Variants in SNX30 observed in about 807,000 individuals in gnomAD.
SNX30 encodes sorting nexin family member 30.
In SNX30, 24 loss-of-function variants were observed where a neutral mutation model predicts 46.4. That is an observed-to-expected ratio of 0.52 (90% CI 0.37 to 0.73). The LOEUF is 0.73. SNX30 is among the 30% of genes least tolerant of loss of function. The probability of loss-of-function intolerance (pLI) is 0.00; values close to 1 mark genes in which losing one functional copy is unlikely to be tolerated. For synonymous variants in SNX30, 189 were observed against 211.5 expected (o/e 0.89, Z 0.92); for missense variants, 533 against 555.7 (o/e 0.96, Z 0.41).
chr9:112,774,561 A>T (rs527851215), intron 1 of SNX30, among the ~76,000 whole-genome samples: 2 of 152,322 alleles, frequency 1.3e-5, no homozygotes, highest in East Asian at 3.9e-4. Context: ...AATATCTAAG[A>T]GTCAAGTTAC....
chr9:112,815,310 A>T (rs1840379600), intron 2 of SNX30, among the ~76,000 whole-genome samples: 1 of 152,102 alleles, frequency 6.6e-6, no homozygotes, highest in South Asian at 2.1e-4. Flanking sequence ...ACTGTAATTT[A>T]TGAAATGGAT....
At chr9:112,791,613 T>C (rs1414607552) in intron 1 of SNX30, among the ~76,000 whole-genome samples, 1 of 152,000 alleles carries the variant, frequency 6.6e-6, no homozygotes, top group Non-Finnish European at 1.5e-5. Flanking sequence ...GGTTTCACCA[T>C]GTTGGCCAGG....
chr9:112,766,540 A>C (rs1237207909), intron 1 of SNX30, among the ~76,000 whole-genome samples: 2 of 152,202 alleles, frequency 1.3e-5, no homozygotes, highest in Admixed American at 1.3e-4. Flanking sequence ...GTATATTCAC[A>C]TTGTTGTGCA....
chr9:112,756,917 A>G (rs1182126866), intron 1 of SNX30, among the ~76,000 whole-genome samples: 1 of 152,260 alleles, frequency 6.6e-6, no homozygotes, highest in Non-Finnish European at 1.5e-5. Context: ...GGATACACAT[A>G]GATAGTAAAA....
rs1041361442 is a variant in SNX30, at chr9:112,869,147, A to G, written c.*304A>G. Reference sequence around the variant, plus strand: ...CAAGGGACAAGACAACCTGCAGCTGACGCTCTGACATTTCATGACAGTTTC... The same window carrying G: ...CAAGGGACAAGACAACCTGCAGCTGGCGCTCTGACATTTCATGACAGTTTC... On this transcript the variant is annotated 3_prime_UTR_variant, in exon 9 of 9. Coordinates refer to ENST00000374232, the MANE Select transcript of SNX30 (RefSeq NM_001012994.2). 3.1e-6 allele frequency: 1 copy of G among 324,176 alleles called. No homozygotes were observed. The highest frequency in any genetic ancestry group is 5.9e-6 in the Non-Finnish European group (1 of 169,872). The allele number at this position is 324,176 out of a possible 1,614,324, so 20.1% of individuals were successfully genotyped here. A position where few individuals can be genotyped will look rare whatever the true frequency, so the allele number is the denominator to read the frequency against.
chr9:112,805,530 G>A (rs942295207), intron 2 of SNX30, among the ~76,000 whole-genome samples: 9 of 152,140 alleles, frequency 5.9e-5, no homozygotes, highest in Admixed American at 5.2e-4. Context: ...GTGCAGTGGT[G>A]TGATCTCAGC....
intron 3 of SNX30, among the ~76,000 whole-genome samples, chr9:112,827,739 G>T (rs907410104): frequency 2.0e-5 from 3 of 152,162 alleles, no homozygotes. Flanking sequence ...TATTATGGGG[G>T]TTTGAGGAGG....
At chr9:112,879,612 G>A (rs1053989398), downstream of SNX30, 2 of 652,480 alleles carry the variant, frequency 3.1e-6, no homozygotes, top group Non-Finnish European at 5.3e-6. Flanking sequence ...GGATCCCTGA[G>A]CCAGAGCAGG....
chr9:112,769,897 G>T (rs1273456984), intron 1 of SNX30, among the ~76,000 whole-genome samples: 2 of 152,050 alleles, frequency 1.3e-5, no homozygotes, highest in East Asian at 3.9e-4. Context: ...CTTGGAATTA[G>T]CCTCGGCTCT....
intron 5 of SNX30, among the ~76,000 whole-genome samples, chr9:112,837,483 G>T (rs1032725696): frequency 4.0e-5 from 6 of 148,498 alleles, no homozygotes; most frequent in Middle Eastern, 3.5e-3. Flanking sequence ...TTGGTTTTTG[G>T]TTTTTTTTTT....
At chr9:112,851,410 G>A (rs937036539) in intron 7 of SNX30, among the ~76,000 whole-genome samples, 1 of 152,226 alleles carries the variant, frequency 6.6e-6, no homozygotes, top group African/African-American at 2.4e-5. Context: ...TGTTAAACTC[G>A]CGTGAGGAGT....
chr9:112,758,161 C>T (rs537297677), intron 1 of SNX30, among the ~76,000 whole-genome samples: 1 of 152,232 alleles, frequency 6.6e-6, no homozygotes, highest in African/African-American at 2.4e-5. Flanking sequence ...TTCTTTCTGG[C>T]CCTTGTTCCA....
At chr9:112,876,145 A>G (rs1841514410), downstream of SNX30, among the ~76,000 whole-genome samples, 1 of 152,146 alleles carries the variant, frequency 6.6e-6, no homozygotes, top group Admixed American at 6.6e-5. Flanking sequence ...GTCAGATTGA[A>G]GGCCTGAAGA....
At chr9:112,856,503 A>G (rs988691029) in intron 7 of SNX30, among the ~76,000 whole-genome samples, 13 of 150,606 alleles carry the variant, frequency 8.6e-5, no homozygotes, top group African/African-American at 2.9e-4. Flanking sequence ...GGAAGTGTGG[A>G]GGTGTGTCGT....
At chr9:112,859,062 ACT>A (rs1273778642) in intron 7 of SNX30, among the ~76,000 whole-genome samples, 1 of 151,644 alleles carries the variant, frequency 6.6e-6, no homozygotes. Flanking sequence ...CAGAACTGAA[ACT>A]CTGACCCATT....
chr9:112,774,643 A>T (rs1391722684), intron 1 of SNX30, among the ~76,000 whole-genome samples: 1 of 152,146 alleles, frequency 6.6e-6, no homozygotes, highest in South Asian at 2.1e-4. Flanking sequence ...TTTTAGTTTT[A>T]GCCATTCTAG....
At chr9:112,767,382 G>A (rs1273357030) in intron 1 of SNX30, among the ~76,000 whole-genome samples, 1 of 152,084 alleles carries the variant, frequency 6.6e-6, no homozygotes, top group Non-Finnish European at 1.5e-5. Context: ...CTCCCATTCT[G>A]TAAGTGCCTT....
intron 4 of SNX30, among the ~76,000 whole-genome samples, chr9:112,832,430 AAGAG>A (rs144673731): frequency 0.02 from 1,577 of 79,626 alleles, 52 homozygotes; most frequent in African/African-American, 0.076. Flanking sequence ...ATAAGTAGGA[AAGAG>A]AGAGAGAGAG....
intron 1 of SNX30, among the ~76,000 whole-genome samples, chr9:112,789,890 T>C (rs1839993078): frequency 6.6e-6 from 1 of 152,236 alleles, no homozygotes; most frequent in Admixed American, 6.5e-5. Context: ...TAAACAACTT[T>C]AGTGACAAAG....
Sources: gnomAD v4.1 joint callset for allele counts (sites outside exome capture counted in the v4.1 genomes callset) on GRCh38, gnomAD v4.1.1 for gene constraint, MANE v1.5 for transcripts, NCBI Gene and HGNC (gene_info 2026-07-23, HGNC 2026-07-21) for gene names.